The following PCDH15 variants were observed in gnomAD, a reference collection of about 807,000 sequenced individuals.
The protein encoded by PCDH15 is protocadherin-15.
In PCDH15, 129 loss-of-function variants were observed where a neutral mutation model predicts 178.5. The observed-to-expected ratio is 0.72, with a 90% CI of 0.63 to 0.84. PCDH15 has a LOEUF of 0.84. Among genes scored for constraint, PCDH15 ranks in the 40% least tolerant of loss-of-function variants. The pLI is 0.00. For synonymous variants in PCDH15, 800 were observed against 732.0 expected (o/e 1.09, Z -1.50); for missense variants, 2,230 against 2,099.9 (o/e 1.06, Z -1.21).
At chr10:55,090,031 T>C (rs901241201) in intron 2 of PCDH15, among the ~76,000 whole-genome samples, 1 of 152,050 alleles carries the variant, frequency 6.6e-6, no homozygotes, top group Non-Finnish European at 1.5e-5. Context: ...AAGTTGCATT[T>C]AATGAGTAGT....
intron 2 of PCDH15, among the ~76,000 whole-genome samples, chr10:55,603,258 C>T (rs571010650): frequency 6.6e-6 from 1 of 151,406 alleles, no homozygotes; most frequent in African/African-American, 2.4e-5. Flanking sequence ...ATGACCAAAT[C>T]TACGTCTGAT....
chr10:54,369,037 G>C, intron 5 of PCDH15, 83 bp downstream of exon 5: 1 of 1,463,924 alleles, frequency 6.8e-7, no homozygotes, highest in Non-Finnish European at 9.5e-7. Context: ...TAATTTTAAA[G>C]GAATCATTTA....
intron 2 of PCDH15, among the ~76,000 whole-genome samples, chr10:55,396,507 G>C (rs938956720): frequency 2.0e-5 from 3 of 152,150 alleles, no homozygotes; most frequent in Non-Finnish European, 4.4e-5. Context: ...CATCCGATAG[G>C]CTGTCATCCT....
At chr10:53,818,975 GT>G (rs1355110877) in intron 33 of PCDH15, among the ~76,000 whole-genome samples, 6 of 151,644 alleles carry the variant, frequency 4.0e-5, no homozygotes, top group African/African-American at 1.4e-4. Flanking sequence ...TATTGAAACT[GT>G]TTGTAAAAAA....
At chr10:54,831,247 A>G (rs185325298) in intron 3 of PCDH15, among the ~76,000 whole-genome samples, 1 of 152,098 alleles carries the variant, frequency 6.6e-6, no homozygotes. Flanking sequence ...TGCTCTTAAT[A>G]TTTTATTTTT....
chr10:54,711,039 C>T (rs2095423588), intron 1 of PCDH15, among the ~76,000 whole-genome samples: 1 of 151,996 alleles, frequency 6.6e-6, no homozygotes, highest in Non-Finnish European at 1.5e-5. Context: ...CATGGCAACA[C>T]TCTATTTAGC....
chr10:55,515,747 A>T (rs1840997970), intron 2 of PCDH15, among the ~76,000 whole-genome samples: 1 of 152,126 alleles, frequency 6.6e-6, no homozygotes, highest in Non-Finnish European at 1.5e-5. Flanking sequence ...CATGCAAATC[A>T]AGAAATTGGA....
At chr10:54,130,827 A>C (rs4539221) in intron 15 of PCDH15, among the ~76,000 whole-genome samples, 1 of 152,000 alleles carries the variant, frequency 6.6e-6, no homozygotes, top group African/African-American at 2.4e-5. Context: ...GGTACCTCCA[A>C]TGCATCTTGT....
At chr10:54,817,668 G>T (rs1038608621) in intron 3 of PCDH15, among the ~76,000 whole-genome samples, 52 of 151,876 alleles carry the variant, frequency 3.4e-4, no homozygotes, top group African/African-American at 1.1e-3. Flanking sequence ...ATCTTACAAA[G>T]AATTATACAC....
chr10:54,658,667 ATAC>A (rs1242468276), intron 2 of PCDH15, among the ~76,000 whole-genome samples: 2 of 152,210 alleles, frequency 1.3e-5, no homozygotes, highest in African/African-American at 4.8e-5. Context: ...TGAAAGGACA[ATAC>A]TTGCTACCAG....
intron 25 of PCDH15, among the ~76,000 whole-genome samples, chr10:53,936,475 T>C (rs571081570): frequency 1.3e-5 from 2 of 152,238 alleles, no homozygotes; most frequent in Non-Finnish European, 2.9e-5. Flanking sequence ...GTTGAGAGCA[T>C]AGAGGAACAA....
At chr10:54,812,963 T>C (rs1169621357) in intron 3 of PCDH15, among the ~76,000 whole-genome samples, 1 of 152,188 alleles carries the variant, frequency 6.6e-6, no homozygotes, top group Admixed American at 6.5e-5. Flanking sequence ...ATGTGGATTC[T>C]AACACCTACC....
chr10:54,593,596 A>C (rs954361143), intron 2 of PCDH15, among the ~76,000 whole-genome samples: 4 of 152,226 alleles, frequency 2.6e-5, no homozygotes, highest in Middle Eastern at 3.4e-3. Context: ...TGAAATCAGA[A>C]AGTGTGATGC....
At chr10:54,680,764 A>G (rs1591017434) in intron 1 of PCDH15, among the ~76,000 whole-genome samples, 4 of 152,180 alleles carry the variant, frequency 2.6e-5, no homozygotes, top group South Asian at 4.2e-4. Flanking sequence ...CTGCTCCTTC[A>G]CCTTCTGCCA....
intron 1 of PCDH15, among the ~76,000 whole-genome samples, chr10:54,723,424 A>G (rs2132535841): frequency 6.6e-6 from 1 of 151,994 alleles, no homozygotes; most frequent in East Asian, 1.9e-4. Context: ...CTTAAACATA[A>G]GACCAGAAAC....
intron 2 of PCDH15, among the ~76,000 whole-genome samples, chr10:55,081,019 A>C (rs1274127209): frequency 2.0e-5 from 3 of 152,122 alleles, no homozygotes; most frequent in Non-Finnish European, 4.4e-5. Context: ...ATAGCCCCAG[A>C]CAAGGAGCTT....
At chr10:54,677,493 G>A (rs539240887) in intron 1 of PCDH15, among the ~76,000 whole-genome samples, 17 of 152,152 alleles carry the variant, frequency 1.1e-4, no homozygotes, top group African/African-American at 3.9e-4. Context: ...GTGTGCGTGC[G>A]TGTCAGGTTG....
intron 24 of PCDH15, 36 bp downstream of exon 24, chr10:53,940,830 G>A: frequency 7.0e-7 from 1 of 1,435,470 alleles, no homozygotes; most frequent in South Asian, 1.1e-5. Flanking sequence ...AAGTTTACTG[G>A]TTGATGGTGA....
At chr10:55,317,342 A>T (rs776455478) in intron 1 of PCDH15, among the ~76,000 whole-genome samples, 1 of 152,150 alleles carries the variant, frequency 6.6e-6, no homozygotes, top group Admixed American at 6.5e-5. Context: ...TTCTTACATC[A>T]AAAAAATTAA....
Sources: gnomAD v4.1 joint callset for allele counts (sites outside exome capture counted in the v4.1 genomes callset) on GRCh38, gnomAD v4.1.1 for gene constraint, MANE v1.5 for transcripts, NCBI Gene and HGNC (gene_info 2026-07-23, HGNC 2026-07-21) for gene names.